RNF123: variants seen among roughly 807,000 people sequenced by gnomAD.
RNF123 encodes the protein ring finger protein 123.
A neutral mutation model predicts 168.5 loss-of-function variants in RNF123; 86 were observed. The observed-to-expected ratio is 0.51, with a 90% CI of 0.43 to 0.61. The LOEUF (loss-of-function observed/expected upper bound fraction) is 0.61, where lower values mean the gene tolerates loss of function less well. Ranked by LOEUF, RNF123 falls within the 20% of genes least tolerant of loss-of-function variation. The pLI is 0.00. For synonymous variants in RNF123, 666 were observed against 689.1 expected (o/e 0.97, Z 0.52); for missense variants, 1,419 against 1,729.7 (o/e 0.82, Z 3.19).
intron 26 of RNF123, among the ~76,000 whole-genome samples, chr3:49,708,812 G>T (rs570913132): frequency 6.6e-6 from 1 of 152,146 alleles, no homozygotes; most frequent in Non-Finnish European, 1.5e-5. Context: ...GGACACTCGG[G>T]TTGCTTCTAC....
At chr3:49,713,611 C>CAGGGGG in intron 28 of RNF123, 24 bp downstream of exon 28, 1 of 1,606,668 alleles carries the variant, frequency 6.2e-7, no homozygotes, top group Non-Finnish European at 8.5e-7. Context: ...ACAGAGGGTA[C>CAGGGGG]AGGGGGAGGG....
chr3:49,699,411 A>G lies in RNF123; in HGVS notation c.765-57A>G, dbSNP rs916627136. 7.1e-6 allele frequency: 10 copies of G among 1,416,744 alleles called. No individual in the cohort carries two copies. In the African/African-American group the frequency reaches 1.3e-4, roughly 18 times the overall value. The allele number at this position is 1,416,744 out of a possible 1,614,324, so 87.8% of individuals were successfully genotyped here. A position where few individuals can be genotyped will look rare whatever the true frequency, so the allele number is the denominator to read the frequency against. ...CCCCGGGGTGGGGGGTGGGCAGTGG[A>G]GAGGGAGTAGGCATGTCTGAGCCAC... On this transcript the variant is annotated intron_variant, in intron 10 of 38. Transcript: ENST00000327697. This position sits in a 1 kb window ranked among gnomAD's most constrained non-coding sequence, Gnocchi z 4.8.
chr3:49,697,091 CT>C (rs1440555053), intron 3 of RNF123, 51 bp from the exon 4 acceptor site: 1 of 1,459,658 alleles, frequency 6.9e-7, no homozygotes. Context: ...TTAGTGTCAT[CT>C]GGCTGATTTC....
intron 25 of RNF123, among the ~76,000 whole-genome samples, chr3:49,706,475 C>A (rs930271610): frequency 2.6e-5 from 4 of 152,198 alleles, no homozygotes; most frequent in African/African-American, 9.7e-5. Context: ...CCCACCCCGA[C>A]CTGTCAGCAG....
At chr3:49,707,231 T>C (rs895403758) in intron 26 of RNF123, among the ~76,000 whole-genome samples, 1 of 151,494 alleles carries the variant, frequency 6.6e-6, no homozygotes, top group South Asian at 2.1e-4. Flanking sequence ...CTGCAGTCTT[T>C]CCCGGAGGCA....
At chr3:49,719,018 C>T (rs201540431) in intron 35 of RNF123, 121 of 1,613,750 alleles carry the variant, frequency 7.5e-5, no homozygotes, top group Non-Finnish European at 1.0e-4. Context: ...AAGGCATGCT[C>T]GTCCAAGTGC....
At chr3:49,718,675 A>C (rs1423812357) in intron 35 of RNF123, 1 of 1,612,980 alleles carries the variant, frequency 6.2e-7, no homozygotes, top group Admixed American at 1.7e-5. Flanking sequence ...GCTGTGCTGG[A>C]AGAAGCGCAC....
Position 49,698,514 on chromosome 3 carries a change from G to A in RNF123, c.558G>A (p.Thr186=), listed in dbSNP as rs2054312849. 1 of 1,613,922 alleles carries A rather than the reference G, an allele frequency of 6.2e-7. No individual in the cohort carries two copies. Among genetic ancestry groups the A allele is most frequent in the South Asian group, 1.1e-5 (1 of 91,074 alleles). Residue 186 remains threonine (T), a synonymous_variant, in exon 8 of 39, where the codon ACG becomes ACA. Transcript: ENST00000327697. ...NRVRKWNVTT[T]NYGKAWAAGD... ...TGCGCAAGTGGAATGTGACCACAAC[G>A]AATTATGGCAAGGTGAGAGCCAAGC...
In RNF123 at chr3:49,697,896, C is replaced by T. The variant is rs1296198458; in HGVS notation, c.354C>T (p.His118=). 1.2e-6 allele frequency: 2 copies of T among 1,614,190 alleles called. No homozygotes were observed. Among genetic ancestry groups the T allele is most frequent in the Non-Finnish European group, 1.7e-6 (2 of 1,180,030 alleles). The part of the protein sequence containing the change: ...VDDDLLGVIG[H]SNFGTIRSTT... ...TCTTCTTCACCCAGGTGATTGGACA[C>T]AGCAACTTTGGCACCATCCGCTCTA... Residue 118 remains histidine, a synonymous_variant, in exon 6 of 39, where the codon CAC becomes CAT. Transcript: ENST00000327697.
rs2054341210 is a variant in RNF123, at chr3:49,699,798, G to C, written c.984+26G>C. 2 of 1,603,138 alleles carry C rather than the reference G, an allele frequency of 1.2e-6. No homozygotes were observed. The highest frequency in any genetic ancestry group is 1.7e-6 in the Non-Finnish European group (2 of 1,171,670). On this transcript the variant is annotated intron_variant, in intron 12 of 38. Transcript: ENST00000327697. The surrounding 1 kb of genome is among the most constrained non-coding windows in gnomAD (Gnocchi z 4.8). ...GTGAGCGGCATTGGGAGGGGCATGG[G>C]AGGGGAGGAGACAGGCCATGCTAGA...
chr3:49,719,147 T>C, intron 35 of RNF123: 1 of 1,613,586 alleles, frequency 6.2e-7, no homozygotes. Context: ...CCGCTGGCGT[T>C]GACGAAGACG....
Position 49,701,825 on chromosome 3 carries a change from G to T in RNF123, c.1410G>T (p.Thr470=). 6.4e-7 allele frequency: 1 copy of T among 1,572,540 alleles called. No homozygotes were observed. The highest frequency in any genetic ancestry group is 2.3e-5 in the East Asian group (1 of 43,542). ...CCCCTGCCTAGGGCAAAGAGAGCAC[G>T]GAGATGAAGGAGGAGACCGCAGAGG... ...HCSSREGKES[T]EMKEETAEER... is the part of the protein sequence containing the mutation. Residue 470 remains threonine, a synonymous_variant, in exon 17 of 39, where the codon ACG becomes ACT. Transcript: ENST00000327697.
In RNF123 at chr3:49,705,112, G is replaced by A; in HGVS notation, c.2088G>A (p.Arg696=). 1 of 1,610,612 alleles carries A rather than the reference G, an allele frequency of 6.2e-7. No homozygotes were observed. Among genetic ancestry groups the A allele is most frequent in the Non-Finnish European group, 8.5e-7 (1 of 1,178,504 alleles). The change falls in exon 23 of 39, where the codon CGG becomes CGA. Residue 696 remains arginine (R), a synonymous_variant. Coordinates refer to ENST00000327697, the MANE Select transcript of RNF123 (RefSeq NM_022064.5). The part of the protein sequence containing the change: ...STAAVSLMTP[R]RPLSTSEKVK... ...CGGCTGTGAGCCTCATGACCCCACG[G>A]CGGCCTCTGAGCACCTCGGAGAAAG... is the stretch of plus-strand genomic sequence containing the variant.
At position 49,706,551 on chromosome 3, in the gene RNF123, C is replaced by T. The variant is rs569559401; in HGVS notation, c.2389-240C>T. ...TCAGGTCCCTGGGTGCTCTGGCCAG[C>T]GGCTCACAGACCCCCAGCTGGGCCT... is the stretch of plus-strand genomic sequence containing the variant. On this transcript the variant is annotated intron_variant, in intron 25 of 38. Coordinates refer to ENST00000327697, the MANE Select transcript of RNF123 (RefSeq NM_022064.5). Among the ~76,000 whole-genome samples, 11 of 152,342 alleles carry T rather than the reference C, an allele frequency of 7.2e-5. No homozygotes were observed. In the East Asian group the frequency reaches 7.7e-4, roughly 11 times the overall value.
chr3:49,702,853 G>A (rs965059670), intron 20 of RNF123, 100 bp downstream of exon 20: 9 of 1,548,090 alleles, frequency 5.8e-6, no homozygotes, highest in African/African-American at 1.4e-5. Context: ...GCTGTGGGCT[G>A]TGGGGAGTTG....
At chr3:49,720,710 C>T in intron 36 of RNF123, 57 bp downstream of exon 36, 2 of 1,604,170 alleles carry the variant, frequency 1.2e-6, no homozygotes, top group South Asian at 2.2e-5. Flanking sequence ...GGTCAGGAGC[C>T]TTAAGAACAG....
rs1027791085 is a variant in RNF123, at chr3:49,716,760, G to A, written c.3500+283G>A. 4.0e-5 allele frequency: 17 copies of A among 426,060 alleles called. 1 individual carries two copies. Among genetic ancestry groups the A allele is most frequent in the African/African-American group, 3.2e-4 (16 of 50,508 alleles). The allele number at this position is 426,060 out of a possible 1,614,324, so 26.4% of individuals were successfully genotyped here. On this transcript the variant is annotated intron_variant, in intron 35 of 38. Transcript: ENST00000327697. Reference sequence around the variant, plus strand: ...GGCCAGGCATGGGAGGCAGGACTCCGGAGGGTGTGCCGTCCTGTGGTGGAC... The same window carrying A: ...GGCCAGGCATGGGAGGCAGGACTCCAGAGGGTGTGCCGTCCTGTGGTGGAC...
rs569621461 is a variant in RNF123, at chr3:49,699,946, A to G, written c.984+174A>G. 1.4e-6 allele frequency: 1 copy of G among 709,842 alleles called. No homozygotes were observed. The highest frequency in any genetic ancestry group is 2.7e-5 in the East Asian group (1 of 36,840). The allele number at this position is 709,842 out of a possible 1,614,324, so 44.0% of individuals were successfully genotyped here. On this transcript the variant is annotated intron_variant, in intron 12 of 38. Coordinates refer to ENST00000327697, the MANE Select transcript of RNF123 (RefSeq NM_022064.5). This position sits in a 1 kb window ranked among gnomAD's most constrained non-coding sequence, Gnocchi z 4.8. ...CAGTCAGTCCCCTAGGGAAACAGGG[A>G]CATTGCCAACCAAGGGCATCAGGGG...
In RNF123 at chr3:49,698,831, C is replaced by T; in HGVS notation, c.638+9C>T. 1 of 1,613,874 alleles carries T rather than the reference C, an allele frequency of 6.2e-7. No individual in the cohort carries two copies. Among genetic ancestry groups the T allele is most frequent in the South Asian group, 1.1e-5 (1 of 91,066 alleles). On this transcript the variant is annotated intron_variant, in intron 9 of 38. Coordinates refer to ENST00000327697, the MANE Select transcript of RNF123 (RefSeq NM_022064.5). ...ACTCTGTCCTTCTGCCTGTGAGTTT[C>T]CTATCTCTATGCACAGGCCTGGCCC... is the stretch of plus-strand genomic sequence containing the variant.
Sources: gnomAD v4.1 joint callset for allele counts (sites outside exome capture counted in the v4.1 genomes callset) on GRCh38, gnomAD v4.1.1 for gene constraint, Gnocchi (gnomAD v3.1) non-coding constraint, MANE v1.5 for transcripts, NCBI Gene and HGNC (gene_info 2026-07-23, HGNC 2026-07-21) for gene names.